HAVCR1: variants seen among roughly 807,000 people sequenced by gnomAD.
HAVCR1 encodes T cell immunoglobin domain and mucin domain protein 1.
HAVCR1 carries 34 observed loss-of-function variants against 32.0 expected under a neutral mutation model. The ratio of observed to expected loss-of-function variants is 1.06; its 90% CI spans 0.81 to 1.42. The LOEUF (loss-of-function observed/expected upper bound fraction) is 1.42, where lower values mean the gene tolerates loss of function less well. Among genes scored for constraint, HAVCR1 ranks in the 40% most tolerant of loss-of-function variants. HAVCR1 has a pLI of 0.00. For missense variants in HAVCR1, 420 were observed against 442.3 expected (o/e 0.95, Z 0.45); for synonymous variants, 178 against 170.3 (o/e 1.05, Z -0.35).
upstream of HAVCR1, among the ~76,000 whole-genome samples, chr5:157,062,003 C>T (rs1298486236): frequency 6.6e-6 from 1 of 152,138 alleles, no homozygotes; most frequent in Non-Finnish European, 1.5e-5. Context: ...GACTCCCAAA[C>T]AATATAGCAC....
upstream of HAVCR1, among the ~76,000 whole-genome samples, chr5:157,063,698 G>A (rs895512821): frequency 6.6e-6 from 1 of 152,224 alleles, no homozygotes; most frequent in Non-Finnish European, 1.5e-5. Flanking sequence ...AAGGCAAAAG[G>A]ATACACAAGA....
At chr5:157,055,168 T>C in intron 3 of HAVCR1, 33 bp downstream of exon 3, 5 of 1,166,102 alleles carry the variant, frequency 4.3e-6, no homozygotes, top group Non-Finnish European at 6.1e-6. Context: ...GAAAATTCAA[T>C]TAACTAGCAA....
chr5:157,047,791 G>T (rs546967542), intron 5 of HAVCR1, among the ~76,000 whole-genome samples: 1 of 152,276 alleles, frequency 6.6e-6, no homozygotes, highest in South Asian at 2.1e-4. Context: ...CAAAGAGAGG[G>T]TTGTGGGAAC....
At chr5:157,046,410 T>C (rs1393868218) in intron 5 of HAVCR1, among the ~76,000 whole-genome samples, 1 of 152,070 alleles carries the variant, frequency 6.6e-6, no homozygotes, top group Non-Finnish European at 1.5e-5. Context: ...ACTTTCTCCA[T>C]CACAAGGAAA....
At chr5:157,062,364 C>T (rs1055323017), upstream of HAVCR1, among the ~76,000 whole-genome samples, 1 of 152,110 alleles carries the variant, frequency 6.6e-6, no homozygotes, top group Non-Finnish European at 1.5e-5. Flanking sequence ...CAGATTGACA[C>T]CCTGTCTCAA....
chr5:157,058,327 GC>G (rs2113652893), intron 1 of HAVCR1: 1 of 164,298 alleles, frequency 6.1e-6, no homozygotes, highest in African/African-American at 2.4e-5. Context: ...ACTTTGGGAG[GC>G]CAAGGCGGGC....
rs1292314822 is a variant in HAVCR1, at chr5:157,039,187, T to A, written c.838-1826A>T. On this transcript the variant is annotated intron_variant, in intron 6 of 8. Transcript: ENST00000523175. ...ACTTTTGCCATTTTGCTTTATATAC[T>A]TTTATAGAATTTTATCCTTCTAGGA... is the stretch of plus-strand genomic sequence containing the variant. Among the ~76,000 whole-genome samples, 3 of 152,230 alleles carry A rather than the reference T, an allele frequency of 2.0e-5. No individual in the cohort carries two copies. The East Asian group carries it at 5.8e-4, about 29-fold the overall frequency.
chr5:157,054,205 A>C (rs924854302), intron 3 of HAVCR1, among the ~76,000 whole-genome samples: 3 of 151,128 alleles, frequency 2.0e-5, no homozygotes, highest in Admixed American at 6.6e-5. Flanking sequence ...AAAAAAAAAA[A>C]AAAAAAAACA....
rs2113611567 is a variant in HAVCR1, at chr5:157,052,139, T to A, written c.673+222A>T. Reference sequence around the variant, plus strand: ...GGTTAATAATCAATTTCTTTGAGAATTGACAAAAAGCAATGGGTCCCCTCA... The same window carrying A: ...GGTTAATAATCAATTTCTTTGAGAAATGACAAAAAGCAATGGGTCCCCTCA... On this transcript the variant is annotated intron_variant, in intron 4 of 8. Coordinates refer to ENST00000523175, the MANE Select transcript of HAVCR1 (RefSeq NM_001173393.3). Among the ~76,000 whole-genome samples the A allele has an allele frequency of 2.0e-5, 3 of 152,342 alleles. 1 individual carries two copies. The Middle Eastern group carries it at 0.01, about 518-fold the overall frequency.
At chr5:157,041,076 T>C (rs957730205) in intron 6 of HAVCR1, among the ~76,000 whole-genome samples, 1 of 152,168 alleles carries the variant, frequency 6.6e-6, no homozygotes, top group African/African-American at 2.4e-5. Flanking sequence ...CTAACTTACA[T>C]GGAGGTAGAA....
chr5:157,042,521 A>C (rs1001730957), intron 6 of HAVCR1, 106 bp downstream of exon 6: 1 of 625,626 alleles, frequency 1.6e-6, no homozygotes, highest in African/African-American at 1.9e-5. Context: ...AGAAGAAAAA[A>C]AAAATTCTGT....
intron 7 of HAVCR1, among the ~76,000 whole-genome samples, chr5:157,036,335 C>T (rs1159875874): frequency 2.0e-5 from 3 of 152,012 alleles, no homozygotes; most frequent in East Asian, 1.9e-4. Flanking sequence ...AAAAATTAGC[C>T]GGGCGTGGTG....
rs760073263 is a variant in HAVCR1 at position 157,055,200 on chromosome 5, C to G, written c.379+1G>C. The G allele has an allele frequency of 6.9e-7, 1 of 1,455,212 alleles. No homozygotes were observed. The highest frequency in any genetic ancestry group is 2.1e-5 in the Admixed American group (1 of 46,802). 90.1% of individuals were successfully genotyped at this position (1,455,212 alleles called of 1,614,324 possible). ...GCAAGAAATATCAAAGAAAAACTTA[C>G]GTGGCACAATCTCCAATGATACGGT... is the stretch of plus-strand genomic sequence containing the variant. On this transcript the variant is annotated splice_donor_variant, in intron 3 of 8. Coordinates refer to ENST00000523175, the MANE Select transcript of HAVCR1 (RefSeq NM_001173393.3). LOFTEE classifies it high-confidence loss of function.
chr5:157,051,979 C>T (rs367668242), intron 4 of HAVCR1, among the ~76,000 whole-genome samples: 7 of 152,234 alleles, frequency 4.6e-5, no homozygotes, highest in African/African-American at 1.7e-4. Context: ...CAGAGCTCTT[C>T]GTGAGGACAC....
At position 157,037,288 on chromosome 5, in the gene HAVCR1, A is replaced by G. The variant is rs765913899; in HGVS notation, c.911T>C (p.Val304Ala). Residue 304 changes from valine (V) to alanine (A), a missense_variant, in exon 7 of 9, where the codon GTC (valine) becomes GCC (alanine). By Grantham distance (64) the Val-to-Ala change is moderately conservative (BLOSUM62 0). Transcript: ENST00000523175. ...ACCCAAAAGAGCAAGAAGCACCAAG[A>G]CAGAAATACAGACTCCAGCATAGAT... ...KGIYAGVCIS[V>A]LVLLALLGVI... 137 of 1,606,434 alleles carry G rather than the reference A, an allele frequency of 8.5e-5. 3 individuals carry two copies. The South Asian group carries it at 1.4e-3, about 17-fold the overall frequency.
At chr5:157,044,649 G>GAAAGAAAGAAAGAAAGAAAGAAAGAA (rs1755242671) in intron 5 of HAVCR1, among the ~76,000 whole-genome samples, 1 of 117,480 alleles carries the variant, frequency 8.5e-6, no homozygotes, top group African/African-American at 3.7e-5. Context: ...AAGAAAGAAA[G>GAAAGAAAGAAAGAAAGAAAGAAAGAA]AAAGAAAGAA....
At chr5:157,058,233 C>G in intron 1 of HAVCR1, 1 of 361,072 alleles carries the variant, frequency 2.8e-6, no homozygotes, top group East Asian at 5.3e-5. Flanking sequence ...GCCAAACTGA[C>G]TCCTGGTCCT....
intron 2 of HAVCR1, among the ~76,000 whole-genome samples, chr5:157,056,841 A>T (rs1756185825): frequency 6.6e-6 from 1 of 152,184 alleles, no homozygotes; most frequent in Admixed American, 6.5e-5. Context: ...TTGTGTTTAA[A>T]AATTAGGATA....
intron 5 of HAVCR1, among the ~76,000 whole-genome samples, chr5:157,046,174 A>G (rs6555822): frequency 0.88 from 133,912 of 152,206 alleles, 59,016 homozygotes; most frequent in East Asian, 0.99. Context: ...TGGCAAAAAA[A>G]GTAGGCCATG....
Sources: allele counts gnomAD v4.1 joint callset (sites outside exome capture counted in the v4.1 genomes callset), GRCh38; gene constraint gnomAD v4.1.1; transcripts MANE v1.5; gene names NCBI Gene and HGNC (gene_info 2026-07-23, HGNC 2026-07-21).